The following UBE2D3 variants were observed in gnomAD, a reference collection of about 807,000 sequenced individuals.
UBE2D3 encodes the protein ubiquitin-conjugating enzyme E2 D3.
UBE2D3 carries 2 observed loss-of-function variants against 22.8 expected under a neutral mutation model. That is an observed-to-expected ratio of 0.09 (90% CI 0.04 to 0.28). UBE2D3 has a LOEUF of 0.28. UBE2D3 is among the 10% of genes least tolerant of loss of function. The pLI is 1.00. For synonymous variants in UBE2D3, 56 were observed against 60.4 expected (o/e 0.93, Z 0.34); for missense variants, 27 against 182.5 (o/e 0.15, Z 4.91).
chr4:102,856,949 T>C (rs1339153201), intron 1 of UBE2D3, among the ~76,000 whole-genome samples: 1 of 152,162 alleles, frequency 6.6e-6, no homozygotes, highest in Non-Finnish European at 1.5e-5. Flanking sequence ...GGTAATAAAA[T>C]GATTATGTAT....
In UBE2D3 at chr4:102,799,560, C is replaced by G; in HGVS notation, c.305-60G>C. ...CAGGAGTTTGGATAAATAAATTTTT[C>G]TAAACCGTGTATTACAAAACTCAAT... is the stretch of plus-strand genomic sequence containing the variant. On this transcript the variant is annotated intron_variant, in intron 6 of 7. Transcript: ENST00000453744. 3 of 1,378,474 alleles carry G rather than the reference C, an allele frequency of 2.2e-6. No homozygotes were observed. The South Asian group carries it at 3.7e-5, about 17-fold the overall frequency. The allele number at this position is 1,378,474 out of a possible 1,614,324, so 85.4% of individuals were successfully genotyped here.
chr4:102,798,279 A>AAATATATATATATATATATATAT (rs1725523227), intron 7 of UBE2D3, among the ~76,000 whole-genome samples: 3 of 111,858 alleles, frequency 2.7e-5, no homozygotes, highest in African/African-American at 8.0e-5. Context: ...TTAAGAAATG[A>AAATATATATATATATATATATAT]ATATATATAT....
chr4:102,868,025 G>A (rs1290017501), intron 1 of UBE2D3, among the ~76,000 whole-genome samples: 1 of 150,956 alleles, frequency 6.6e-6, no homozygotes, highest in African/African-American at 2.4e-5. Flanking sequence ...CTAGACTTCA[G>A]CAGAAGCCTT....
intron 4 of UBE2D3, among the ~76,000 whole-genome samples, chr4:102,808,033 T>C (rs1578233500): frequency 1.3e-5 from 2 of 152,240 alleles, no homozygotes; most frequent in East Asian, 3.8e-4. Context: ...GAATCAAAGA[T>C]GAGCTTTATT....
upstream of UBE2D3, chr4:102,827,769 G>C (rs951461239): frequency 6.1e-6 from 6 of 986,396 alleles, no homozygotes; most frequent in East Asian, 5.7e-4. Flanking sequence ...TGGACCAGGA[G>C]GGCGGGGGAG....
rs148956604 is a variant in UBE2D3, at chr4:102,856,934, T to C, written c.-129+11781A>G. On this transcript the variant is annotated intron_variant, in intron 1 of 7. Transcript: ENST00000338145. ...GTAAATAGGTGGAGCATAGGGCACT[T>C]ATAGGGTAATAAAATGATTATGTAT... is the stretch of plus-strand genomic sequence containing the variant. Among the ~76,000 whole-genome samples the C allele has an allele frequency of 1.4e-3, 209 of 152,242 alleles. No homozygotes were observed. In the Middle Eastern group the frequency reaches 0.017, roughly 12 times the overall value.
intron 2 of UBE2D3, chr4:102,810,411 T>C (rs1226807554): frequency 7.6e-6 from 1 of 131,274 alleles, no homozygotes; most frequent in Admixed American, 8.4e-5. Flanking sequence ...TTTTAACTAT[T>C]GAAATTTTTT....
intron 1 of UBE2D3, among the ~76,000 whole-genome samples, chr4:102,840,954 TTGC>T (rs1374268984): frequency 2.2e-4 from 33 of 151,752 alleles, no homozygotes; most frequent in Middle Eastern, 3.4e-3. Context: ...GAGGCAGAGG[TTGC>T]TGCAGTGAGC....
upstream of UBE2D3, chr4:102,828,112 G>A: frequency 2.0e-6 from 2 of 985,458 alleles, no homozygotes; most frequent in South Asian, 4.7e-5. Context: ...ACTGGGGCGG[G>A]CCACTGCCAG....
At chr4:102,841,497 C>A (rs922477445) in intron 1 of UBE2D3, among the ~76,000 whole-genome samples, 1 of 152,154 alleles carries the variant, frequency 6.6e-6, no homozygotes, top group African/African-American at 2.4e-5. Context: ...ATAATGGAGT[C>A]ATCTTTGTCT....
intron 1 of UBE2D3, among the ~76,000 whole-genome samples, chr4:102,836,408 A>G (rs1413434150): frequency 6.6e-6 from 1 of 152,034 alleles, no homozygotes; most frequent in Admixed American, 6.6e-5. Context: ...CAGCCTCCCA[A>G]AGTGCTGGGA....
intron 5 of UBE2D3, 38 bp downstream of exon 5, chr4:102,802,523 T>TATTTC: frequency 6.6e-7 from 1 of 1,521,930 alleles, no homozygotes; most frequent in East Asian, 2.3e-5. Context: ...AAATAAAGCA[T>TATTTC]AAATCTATAC....
intron 2 of UBE2D3, among the ~76,000 whole-genome samples, chr4:102,819,139 T>G (rs1469454862): frequency 2.0e-5 from 3 of 152,160 alleles, no homozygotes; most frequent in Non-Finnish European, 1.5e-5. Flanking sequence ...AAGACCAGCC[T>G]GGCCAACATC....
intron 2 of UBE2D3, among the ~76,000 whole-genome samples, chr4:102,817,198 C>T (rs223402): frequency 0.58 from 87,386 of 151,966 alleles, 26,407 homozygotes; most frequent in African/African-American, 0.78. Flanking sequence ...CAGAGTACAC[C>T]AGGAGAGTGG....
intron 2 of UBE2D3, among the ~76,000 whole-genome samples, chr4:102,823,491 TAAA>T: frequency 6.6e-6 from 1 of 152,272 alleles, no homozygotes; most frequent in Non-Finnish European, 1.5e-5. Flanking sequence ...CTTCCAGAAA[TAAA>T]AACCCTTACG....
At chr4:102,827,283 G>A (rs929825147) in intron 1 of UBE2D3, 144 bp downstream of exon 1, 7 of 956,430 alleles carry the variant, frequency 7.3e-6, no homozygotes, top group Non-Finnish European at 8.7e-6. Context: ...GAGAGGCCGC[G>A]GCTTCCCCAA....
chr4:102,802,318 G>T, intron 5 of UBE2D3: 1 of 314,424 alleles, frequency 3.2e-6, no homozygotes, highest in Non-Finnish European at 5.8e-6. Context: ...ATACAGATGA[G>T]GGCGGAAGCT....
chr4:102,805,643 A>G (rs1158067041), intron 4 of UBE2D3, among the ~76,000 whole-genome samples: 1 of 152,066 alleles, frequency 6.6e-6, no homozygotes, highest in Admixed American at 6.6e-5. Flanking sequence ...ATGTGCCACT[A>G]CACCCAGCTA....
intron 1 of UBE2D3, among the ~76,000 whole-genome samples, chr4:102,858,307 T>C (rs980199555): frequency 6.6e-6 from 1 of 151,968 alleles, no homozygotes; most frequent in African/African-American, 2.4e-5. Context: ...GACTTAAAAG[T>C]ATTTTTATTA....
Sources: allele counts gnomAD v4.1 joint callset (sites outside exome capture counted in the v4.1 genomes callset), GRCh38; gene constraint gnomAD v4.1.1; transcripts MANE v1.5; gene names NCBI Gene and HGNC (gene_info 2026-07-23, HGNC 2026-07-21).